Variants in EXOC5 observed in about 807,000 individuals in gnomAD.
The protein encoded by EXOC5 is SEC10-like 1.
In EXOC5, 17 loss-of-function variants were observed where a neutral mutation model predicts 90.8. The ratio of observed to expected loss-of-function variants is 0.19; its 90% CI spans 0.13 to 0.28. The LOEUF is 0.28. Among genes scored for constraint, EXOC5 ranks in the 10% least tolerant of loss-of-function variants. The pLI, the probability that EXOC5 is intolerant of heterozygous loss-of-function variation, is 1.00. For synonymous variants in EXOC5, 260 were observed against 270.0 expected, an observed-to-expected ratio of 0.96 and a Z score of 0.36; for missense variants, 569 against 830.6, an observed-to-expected ratio of 0.69 and a Z score of 3.87.
In EXOC5 at chr14:57,263,739, TAAAAA is replaced by T. The variant is rs550651836; in HGVS notation, c.27+4878_27+4882del. Among the ~76,000 whole-genome samples the T allele has an allele frequency of 8.6e-3, 337 of 39,368 alleles. 3 individuals are homozygous for T. The highest frequency in any genetic ancestry group is 0.025 in the African/African-American group (323 of 13,038). The allele number at this position is 39,368 out of a possible 152,430, so 25.8% of individuals were successfully genotyped here. On this transcript the variant is annotated intron_variant, in intron 1 of 17. Coordinates refer to ENST00000621441, the MANE Select transcript of EXOC5 (RefSeq NM_006544.4). ...GAGATCACGCCACTGCACTCCAGCC[TAAAAA>T]AAAAAAAAAAAAAAAAAAGCAAAAA...
intron 1 of EXOC5, among the ~76,000 whole-genome samples, chr14:57,266,469 T>C (rs954576506): frequency 5.9e-5 from 9 of 152,256 alleles, no homozygotes; most frequent in Admixed American, 2.0e-4. Context: ...ATTATAACTA[T>C]TGAAACTTAA....
intron 5 of EXOC5, 177 bp downstream of exon 5, chr14:57,239,418 A>G (rs920464922): frequency 2.3e-6 from 1 of 442,544 alleles, no homozygotes; most frequent in African/African-American, 2.1e-5. Context: ...TTTTTTCAAT[A>G]AACTATTTTA....
intron 1 of EXOC5, among the ~76,000 whole-genome samples, chr14:57,253,373 C>T (rs905679224): frequency 2.6e-5 from 4 of 152,104 alleles, no homozygotes; most frequent in African/African-American, 7.2e-5. Flanking sequence ...TATAATACTT[C>T]GAAAGAAATC....
chr14:57,224,090 C>T (rs549852133), intron 12 of EXOC5, among the ~76,000 whole-genome samples: 1 of 152,098 alleles, frequency 6.6e-6, no homozygotes, highest in South Asian at 2.1e-4. Flanking sequence ...TAAGACAAAA[C>T]ACCCGCATTA....
In EXOC5 at chr14:57,210,052, A is replaced by G; in HGVS notation, c.1623T>C (p.Asn541=). The change falls in exon 16 of 18, where the codon AAT becomes AAC. Residue 541 remains asparagine, a synonymous_variant. Transcript: ENST00000621441. The stretch of plus-strand genomic sequence containing the variant: ...TATGCTTCATCTGTCCAATCATACA[A>G]TTTAATGTCCTAGAGAATTGAGAAT... ...KLDTGIDRTL[N]CMIGQMKHIL... 1 of 1,543,666 alleles carries G rather than the reference A, an allele frequency of 6.5e-7. No homozygotes were observed. Among genetic ancestry groups the G allele is most frequent in the Non-Finnish European group, 8.9e-7 (1 of 1,119,208 alleles).
chr14:57,267,965 GTAT>G (rs913925414), intron 1 of EXOC5, among the ~76,000 whole-genome samples: 4 of 151,692 alleles, frequency 2.6e-5, no homozygotes, highest in Admixed American at 2.6e-4. Flanking sequence ...TGCCTCGAGT[GTAT>G]TATTATGTAT....
At chr14:57,248,414 ATG>A (rs555778651) in intron 1 of EXOC5, among the ~76,000 whole-genome samples, 107 of 152,164 alleles carry the variant, frequency 7.0e-4, no homozygotes, top group African/African-American at 2.4e-3. Flanking sequence ...ATGAAAAACA[ATG>A]TTCCTTTTAA....
intron 6 of EXOC5, among the ~76,000 whole-genome samples, chr14:57,236,126 G>A (rs1259284266): frequency 6.6e-6 from 1 of 151,980 alleles, no homozygotes. Context: ...TGCTATTTCT[G>A]ATAGCAACAC....
In EXOC5 at chr14:57,217,211, C is replaced by T. The variant is rs571787725; in HGVS notation, c.1613+771G>A. ...GAAAAGTACAGAAATTCCTCAAAAA[C>T]TTAAAAACAGAGCTACTATATGATC... On this transcript the variant is annotated intron_variant, in intron 15 of 17. Coordinates refer to ENST00000621441, the MANE Select transcript of EXOC5 (RefSeq NM_006544.4). Among the ~76,000 whole-genome samples the T allele has an allele frequency of 3.9e-5, 6 of 152,282 alleles. No homozygotes were observed. The South Asian group carries it at 8.3e-4, about 21-fold the overall frequency.
At chr14:57,208,973 T>C (rs1057295677) in intron 17 of EXOC5, among the ~76,000 whole-genome samples, 176 bp from the exon 18 acceptor site, 27 of 152,326 alleles carry the variant, frequency 1.8e-4, no homozygotes, top group African/African-American at 6.5e-4. Flanking sequence ...AGTAGTTAAA[T>C]AAACTTGCTA....
At chr14:57,239,763 T>A in intron 4 of EXOC5, 104 bp from the exon 5 acceptor site, 2 of 626,996 alleles carry the variant, frequency 3.2e-6, no homozygotes, top group Non-Finnish European at 5.4e-6. Flanking sequence ...GTGCCCACAG[T>A]CCCTTCCCTA....
chr14:57,241,118 T>C (rs1388058685), intron 4 of EXOC5, among the ~76,000 whole-genome samples: 1 of 152,176 alleles, frequency 6.6e-6, no homozygotes, highest in East Asian at 1.9e-4. Context: ...CTTTCCAAAG[T>C]GCTGGGATTA....
rs1566720420 is a variant in EXOC5, at chr14:57,201,452, AT to A, written c.*7156del. On this transcript the variant is annotated 3_prime_UTR_variant, in exon 18 of 18. Coordinates refer to ENST00000621441, the MANE Select transcript of EXOC5 (RefSeq NM_006544.4). The stretch of plus-strand genomic sequence containing the variant: ...TATACACACACACACGTGTGTATAT[AT>A]ACACACGCGTGTATATGTACACACA... 13 of 149,178 alleles carry A rather than the reference AT, an allele frequency of 8.7e-5. No homozygotes were observed. Among genetic ancestry groups the A allele is most frequent in the African/African-American group, 1.7e-4 (7 of 40,580 alleles). The allele number at this position is 149,178 out of a possible 1,614,324, so 9.2% of individuals were successfully genotyped here.
chr14:57,226,243 T>C (rs1883305407), intron 12 of EXOC5, among the ~76,000 whole-genome samples: 1 of 152,226 alleles, frequency 6.6e-6, no homozygotes, highest in Admixed American at 6.5e-5. Flanking sequence ...GAGGCAGGTT[T>C]GCCTGATGCA....
intron 1 of EXOC5, among the ~76,000 whole-genome samples, chr14:57,254,685 C>T (rs951200685): frequency 1.3e-5 from 2 of 152,058 alleles, no homozygotes; most frequent in African/African-American, 4.8e-5. Flanking sequence ...GAGATGGGAC[C>T]TTTGGGGAGG....
rs182581650 is a variant in EXOC5, at chr14:57,220,065, T to G, written c.1406-623A>C. 2.0e-4 allele frequency among the ~76,000 whole-genome samples: 31 copies of G among 152,326 alleles called. No homozygotes were observed. The East Asian group carries it at 5.4e-3, about 27-fold the overall frequency. On this transcript the variant is annotated intron_variant, in intron 13 of 17. Coordinates refer to ENST00000621441, the MANE Select transcript of EXOC5 (RefSeq NM_006544.4). The stretch of plus-strand genomic sequence containing the variant: ...CTAAGGTCCTAGATGTTTATGTTTC[T>G]AGCTAAAAGTAAAAGACTTAAGAGA...
intron 1 of EXOC5, among the ~76,000 whole-genome samples, chr14:57,259,300 T>C (rs1016977682): frequency 1.3e-5 from 2 of 152,166 alleles, no homozygotes; most frequent in African/African-American, 2.4e-5. Context: ...GGTTTTGCCA[T>C]GTTGGCCAGG....
intron 15 of EXOC5, among the ~76,000 whole-genome samples, chr14:57,215,086 G>C (rs1882933764): frequency 6.6e-6 from 1 of 152,074 alleles, no homozygotes; most frequent in South Asian, 2.1e-4. Flanking sequence ...AAAAAAATTA[G>C]CAGGGTGTGG....
chr14:57,267,259 T>C (rs542296822), intron 1 of EXOC5, among the ~76,000 whole-genome samples: 19 of 152,256 alleles, frequency 1.2e-4, no homozygotes, highest in African/African-American at 4.3e-4. Context: ...AGTGAGAAAA[T>C]ACAATATCTC....
Sources: gnomAD v4.1 joint callset for allele counts (sites outside exome capture counted in the v4.1 genomes callset) on GRCh38, gnomAD v4.1.1 for gene constraint, MANE v1.5 for transcripts, NCBI Gene and HGNC (gene_info 2026-07-23, HGNC 2026-07-21) for gene names.